Variants in ZSCAN2 observed in about 807,000 individuals in gnomAD.
ZSCAN2 encodes the protein zinc finger and SCAN domain containing 2.
ZSCAN2 carries 26 observed loss-of-function variants against 47.8 expected under a neutral mutation model. The observed-to-expected ratio is 0.54, with a 90% confidence interval of 0.40 to 0.75. The LOEUF (loss-of-function observed/expected upper bound fraction) is 0.75, where lower values mean the gene tolerates loss of function less well. ZSCAN2 is among the 30% of genes least tolerant of loss of function. The pLI, the probability that ZSCAN2 is intolerant of heterozygous loss-of-function variation, is 0.00. For missense variants in ZSCAN2, 732 were observed against 785.4 expected, an observed-to-expected ratio of 0.93 and a Z score of 0.81; for synonymous variants, 305 against 288.7, an observed-to-expected ratio of 1.06 and a Z score of -0.57.
At chr15:84,610,321 T>C (rs1037982121) in intron 2 of ZSCAN2, among the ~76,000 whole-genome samples, 1 of 152,160 alleles carries the variant, frequency 6.6e-6, no homozygotes, top group Non-Finnish European at 1.5e-5. Flanking sequence ...TGAAATGACA[T>C]GTGAGAGAAT....
intron 2 of ZSCAN2, among the ~76,000 whole-genome samples, chr15:84,615,179 C>G (rs1352258418): frequency 1.3e-5 from 2 of 152,164 alleles, no homozygotes; most frequent in East Asian, 3.8e-4. Flanking sequence ...TGATCGTGAA[C>G]TGCTGACCTT....
At chr15:84,618,185 A>T (rs1418261843) in intron 2 of ZSCAN2, among the ~76,000 whole-genome samples, 1 of 152,214 alleles carries the variant, frequency 6.6e-6, no homozygotes, top group African/African-American at 2.4e-5. Context: ...TAAGAGGCCC[A>T]GGCGGGCGGA....
rs563017581 is a variant in ZSCAN2, at chr15:84,615,610, C to T, written c.407-4992C>T. 1.2e-4 allele frequency among the ~76,000 whole-genome samples: 19 copies of T among 152,246 alleles called. No individual in the cohort carries two copies. The South Asian group carries it at 3.9e-3, about 32-fold the overall frequency. ...CTCCCAAAGTGCTGGGATTACAGAC[C>T]TGAGCCAACGCGCCTGGCCCTCTGT... On this transcript the variant is annotated intron_variant, in intron 2 of 2. Transcript: ENST00000546148.
intron 2 of ZSCAN2, among the ~76,000 whole-genome samples, chr15:84,618,293 C>T (rs903209432): frequency 2.0e-5 from 3 of 152,092 alleles, no homozygotes; most frequent in Admixed American, 2.0e-4. Flanking sequence ...TGGTGTGCGC[C>T]TGTAGTCCCA....
At chr15:84,606,486 T>C in intron 2 of ZSCAN2, 1 of 1,492,878 alleles carries the variant, frequency 6.7e-7, no homozygotes, top group African/African-American at 1.4e-5. Context: ...CTGCATTTTA[T>C]TCCTTCTATT....
chr15:84,621,204 C>T lies in ZSCAN2; in HGVS notation c.1009C>T (p.Pro337Ser), dbSNP rs1385654864. 1.2e-6 allele frequency: 2 copies of T among 1,611,162 alleles called. No individual in the cohort carries two copies. Among genetic ancestry groups the T allele is most frequent in the African/African-American group, 1.4e-5 (1 of 73,916 alleles). Reference sequence around the variant, plus strand: ...CACAGGAGAGAAACCCTACTCGTGCCCCGAGTGTGGAAAGAGCTTTGGCAA... The same window carrying T: ...CACAGGAGAGAAACCCTACTCGTGCTCCGAGTGTGGAAAGAGCTTTGGCAA... ...THTGEKPYSCPECGKSFGNRS... is the reference protein window; with the variant it reads ...THTGEKPYSCSECGKSFGNRS... The change falls in exon 3 of 3, where the codon CCC (proline) becomes TCC (serine). Residue 337 changes from proline to serine, a missense_variant. This residue lies in a region of ZSCAN2 where 412 missense variants were observed against 498.0 expected (regional missense o/e 0.83). Coordinates refer to ENST00000546148, the MANE Select transcript of ZSCAN2 (RefSeq NM_181877.4). The surrounding 1 kb of genome is among the most constrained non-coding windows in gnomAD (Gnocchi z 5.7).
At chr15:84,605,634 TG>T (rs1410995251) in intron 2 of ZSCAN2, among the ~76,000 whole-genome samples, 4 of 152,190 alleles carry the variant, frequency 2.6e-5, no homozygotes, top group Non-Finnish European at 5.9e-5. Context: ...TTTGCCTCAG[TG>T]GGTTCTTGAA....
intron 2 of ZSCAN2, among the ~76,000 whole-genome samples, chr15:84,615,869 C>G (rs1310984639): frequency 2.6e-5 from 4 of 152,076 alleles, no homozygotes; most frequent in African/African-American, 9.7e-5. Flanking sequence ...TCAAGCTCTT[C>G]TCTGTGGTAT....
In ZSCAN2 at chr15:84,603,856, T is replaced by C. The variant is rs375993423; in HGVS notation, c.-72T>C. On this transcript the variant is annotated 5_prime_UTR_variant, in exon 2 of 3. Coordinates refer to ENST00000546148, the MANE Select transcript of ZSCAN2 (RefSeq NM_181877.4). ...GTTGATATTTGAGGAGGGAAGTGTC[T>C]TACCTGAGAGCCTGGCTGGAGAAGA... The C allele has an allele frequency of 1.3e-4, 201 of 1,530,096 alleles. No homozygotes were observed. The South Asian group carries it at 2.0e-3, about 15-fold the overall frequency. 94.8% of individuals were successfully genotyped at this position (1,530,096 alleles called of 1,614,324 possible).
chr15:84,617,426 A>G (rs1236813898), intron 2 of ZSCAN2, among the ~76,000 whole-genome samples: 2 of 151,512 alleles, frequency 1.3e-5, no homozygotes, highest in Non-Finnish European at 2.9e-5. Flanking sequence ...ACAGAGTGAG[A>G]CTCCAAAAAA....
At chr15:84,604,471 G>T in intron 2 of ZSCAN2, 138 bp downstream of exon 2, 2 of 1,140,666 alleles carry the variant, frequency 1.8e-6, no homozygotes, top group Non-Finnish European at 2.4e-6. Flanking sequence ...TCTGCAGGCA[G>T]TCAGCGTGTT....
At chr15:84,617,129 G>GA (rs111829575) in intron 2 of ZSCAN2, among the ~76,000 whole-genome samples, 100 of 141,064 alleles carry the variant, frequency 7.1e-4, no homozygotes, top group Middle Eastern at 4.2e-3. Flanking sequence ...TCTCAAAAAA[G>GA]AAAAAAAAAA....
At position 84,622,190 on chromosome 15, in the gene ZSCAN2, CTG is replaced by C; in HGVS notation, c.*152_*153del. ...CTTGCTCATCCTCATTTCCAGGACA[CTG>C]TCATTTTAGTGGTCTGAGTCAAGTC... On this transcript the variant is annotated 3_prime_UTR_variant, in exon 3 of 3. Coordinates refer to ENST00000546148, the MANE Select transcript of ZSCAN2 (RefSeq NM_181877.4). The C allele has an allele frequency of 1.4e-6, 1 of 725,570 alleles. No individual in the cohort carries two copies. Among genetic ancestry groups the C allele is most frequent in the Non-Finnish European group, 2.3e-6 (1 of 429,888 alleles). 44.9% of individuals were successfully genotyped at this position (725,570 alleles called of 1,614,324 possible). A position where few individuals can be genotyped will look rare whatever the true frequency, so the allele number is the denominator to read the frequency against.
chr15:84,617,526 T>C (rs1895722636), intron 2 of ZSCAN2, among the ~76,000 whole-genome samples: 2 of 151,824 alleles, frequency 1.3e-5, no homozygotes. Flanking sequence ...TGCCTGTATC[T>C]GTCCCCTAGT....
intron 2 of ZSCAN2, among the ~76,000 whole-genome samples, chr15:84,609,010 C>T (rs986380809): frequency 3.3e-5 from 5 of 152,168 alleles, no homozygotes; most frequent in Admixed American, 2.6e-4. Flanking sequence ...TACTCTTGTC[C>T]AACAGTTGAG....
At chr15:84,617,173 C>T (rs183598242) in intron 2 of ZSCAN2, among the ~76,000 whole-genome samples, 5 of 151,236 alleles carry the variant, frequency 3.3e-5, no homozygotes, top group East Asian at 3.9e-4. Flanking sequence ...CAGTGGCTCA[C>T]GCCTCTAATC....
chr15:84,620,052 G>T lies in ZSCAN2; in HGVS notation c.407-550G>T, dbSNP rs192767024. ...CTGCACAGGTCATCCCACCACCTAGGTATTAAGCCCAGCATCCATTAGCTA... is the reference window on the plus strand; with the variant it reads ...CTGCACAGGTCATCCCACCACCTAGTTATTAAGCCCAGCATCCATTAGCTA... On this transcript the variant is annotated intron_variant, in intron 2 of 2. Transcript: ENST00000546148. 7.4e-4 allele frequency among the ~76,000 whole-genome samples: 113 copies of T among 151,766 alleles called. 1 individual carries two copies. Among genetic ancestry groups the T allele is most frequent in the African/African-American group, 2.7e-3 (110 of 41,362 alleles).
At chr15:84,617,322 G>C (rs971901498) in intron 2 of ZSCAN2, among the ~76,000 whole-genome samples, 1 of 151,748 alleles carries the variant, frequency 6.6e-6, no homozygotes, top group Non-Finnish European at 1.5e-5. Flanking sequence ...TGTAGTACCA[G>C]CTACTCAGGA....
chr15:84,609,155 C>A (rs182393989), intron 2 of ZSCAN2, among the ~76,000 whole-genome samples: 1 of 152,228 alleles, frequency 6.6e-6, no homozygotes, highest in Non-Finnish European at 1.5e-5. Context: ...TGAACACATA[C>A]ATTCATTTGT....
Sources: gnomAD v4.1 joint callset for allele counts (sites outside exome capture counted in the v4.1 genomes callset) on GRCh38, gnomAD v4.1.1 for gene constraint, gnomAD v4.1.1 regional missense constraint, Gnocchi (gnomAD v3.1) non-coding constraint, MANE v1.5 for transcripts, NCBI Gene and HGNC (gene_info 2026-07-23, HGNC 2026-07-21) for gene names.